DNAH5: variants seen among roughly 807,000 people sequenced by gnomAD.
DNAH5 encodes the protein axonemal beta dynein heavy chain 5.
A neutral mutation model predicts 518.2 loss-of-function variants in DNAH5; 372 were observed. That is an observed-to-expected ratio of 0.72 (90% CI 0.66 to 0.78). The LOEUF (loss-of-function observed/expected upper bound fraction) is 0.78. Ranked by LOEUF, DNAH5 falls within the 30% of genes least tolerant of loss-of-function variation. The pLI is 0.00. For missense variants in DNAH5, 5,523 were observed against 5,687.0 expected (o/e 0.97, Z 0.93); for synonymous variants, 2,039 against 2,025.9 (o/e 1.01, Z -0.17).
chr5:13,974,867 G>A (rs184002890), intron 1 of DNAH5, among the ~76,000 whole-genome samples: 90 of 152,220 alleles, frequency 5.9e-4, no homozygotes, highest in Non-Finnish European at 1.1e-3. Context: ...AAGGTGGCTC[G>A]GAAGCCATGG....
chr5:13,904,902 C>G (rs1281274571), intron 12 of DNAH5, among the ~76,000 whole-genome samples: 1 of 151,662 alleles, frequency 6.6e-6, no homozygotes, highest in Non-Finnish European at 1.5e-5. Flanking sequence ...CAGAGCAAGA[C>G]CCTGTTTCAA....
intron 47 of DNAH5, among the ~76,000 whole-genome samples, chr5:13,797,757 A>C (rs1369708573): frequency 6.6e-6 from 1 of 151,760 alleles, no homozygotes; most frequent in Non-Finnish European, 1.5e-5. Flanking sequence ...ATGCACACGT[A>C]TGTTTACTGC....
intron 2 of DNAH5, 46 bp downstream of exon 2, chr5:13,931,064 C>CTG: frequency 1.9e-6 from 3 of 1,613,824 alleles, no homozygotes; most frequent in Non-Finnish European, 2.5e-6. Context: ...AACAGACCAT[C>CTG]TGTGCCCTCC....
rs201338727 is a variant in DNAH5 at position 13,882,992 on chromosome 5, T to C, written c.3086A>G (p.Asp1029Gly). ...PNIVMAPALEDVQQTLNKAVE... is the reference protein window; with the variant it reads ...PNIVMAPALEGVQQTLNKAVE... ...GGCTTTGTTCAGGGTCTGCTGTACATCTTCCAGGGCAGGGGCCATGACGAT... is the reference window on the plus strand; with the variant it reads ...GGCTTTGTTCAGGGTCTGCTGTACACCTTCCAGGGCAGGGGCCATGACGAT... Residue 1029 changes from aspartate (D) to glycine (G), a missense_variant, in exon 20 of 79, where the codon GAT becomes GGT. Asp to Gly is a moderately conservative substitution (Grantham distance 94, BLOSUM62 -1). Around this residue, in one of 3 missense-constraint regions of DNAH5, gnomAD observed 5,121 missense variants for 5,223.3 expected, o/e 0.98. Coordinates refer to ENST00000265104, the MANE Select transcript of DNAH5 (RefSeq NM_001369.3). 1 of 1,614,154 alleles carries C rather than the reference T, an allele frequency of 6.2e-7. No individual in the cohort carries two copies. Among genetic ancestry groups the C allele is most frequent in the South Asian group, 1.1e-5 (1 of 91,080 alleles).
chr5:13,904,806 G>A (rs1245075282), intron 12 of DNAH5, among the ~76,000 whole-genome samples: 1 of 152,132 alleles, frequency 6.6e-6, no homozygotes, highest in Admixed American at 6.5e-5. Context: ...AACTACTCGG[G>A]AGGCTGAGGT....
chr5:13,744,018 G>T (rs1210168700), intron 65 of DNAH5, among the ~76,000 whole-genome samples: 1 of 151,966 alleles, frequency 6.6e-6, no homozygotes. Context: ...TGTATCGAAG[G>T]CATGTCTGCA....
At chr5:13,704,234 G>GC (rs1235286988) in intron 76 of DNAH5, among the ~76,000 whole-genome samples, 1 of 152,190 alleles carries the variant, frequency 6.6e-6, no homozygotes, top group African/African-American at 2.4e-5. Flanking sequence ...CAGCCAGCCA[G>GC]CCCCTTCTGC....
chr5:13,838,010 T>C (rs987365658), intron 35 of DNAH5, among the ~76,000 whole-genome samples: 1 of 152,164 alleles, frequency 6.6e-6, no homozygotes, highest in Non-Finnish European at 1.5e-5. Flanking sequence ...AGTCCATTTT[T>C]TTAATGAACA....
At chr5:13,762,625 C>A (rs1285635949) in intron 60 of DNAH5, 97 bp downstream of exon 60, 12 of 1,101,234 alleles carry the variant, frequency 1.1e-5, no homozygotes, top group African/African-American at 1.5e-5. Flanking sequence ...ATCCTAACAC[C>A]AGAAGCCACA....
chr5:13,777,226 C>T lies in DNAH5; in HGVS notation c.9081G>A (p.Met3027Ile), dbSNP rs765900912. The T allele has an allele frequency of 3.1e-6, 5 of 1,612,798 alleles. No homozygotes were observed. Among genetic ancestry groups the T allele is most frequent in the South Asian group, 2.2e-5 (2 of 91,030 alleles). Residue 3027 changes from methionine (M) to isoleucine (I), a missense_variant, in exon 54 of 79, where the codon ATG becomes ATA. Physicochemically the swap from Met to Ile is conservative, Grantham distance 10 (BLOSUM62 1). Transcript: ENST00000265104. The stretch of plus-strand genomic sequence containing the variant: ...CCTCACCTGATGATAAAACATTGTT[C>T]ATATATTCCAAAAATGACTCATCTT... ...EIKDESFLEYMNNVLSSGEVS... is the reference protein window; with the variant it reads ...EIKDESFLEYINNVLSSGEVS...
At position 13,919,329 on chromosome 5, in the gene DNAH5, CA is replaced by C; in HGVS notation, c.821del (p.Leu274ArgfsTer2). 6.2e-7 allele frequency: 1 copy of C among 1,614,102 alleles called. No homozygotes were observed. The highest frequency in any genetic ancestry group is 8.5e-7 in the Non-Finnish European group (1 of 1,179,982). Reference sequence around the variant, plus strand: ...GCCCAACGTCATCCGCTTCCTTCAGCAGCTGATTGTTTTCAGCAAGAACCTG... The same window carrying C: ...GCCCAACGTCATCCGCTTCCTTCAGCGCTGATTGTTTTCAGCAAGAACCTG... ...TEQVLAENNQ[L>X]LKEADDVGPR... On this transcript the variant is annotated frameshift_variant, in exon 7 of 79. Coordinates refer to ENST00000265104, the MANE Select transcript of DNAH5 (RefSeq NM_001369.3). LOFTEE classifies it high-confidence loss of function.
At chr5:13,812,649 GTTGT>G (rs1180363035) in intron 43 of DNAH5, among the ~76,000 whole-genome samples, 2 of 152,050 alleles carry the variant, frequency 1.3e-5, no homozygotes, top group African/African-American at 2.4e-5. Flanking sequence ...ACTACAATTA[GTTGT>G]TTCTTTTTAT....
intron 22 of DNAH5, among the ~76,000 whole-genome samples, chr5:13,874,938 T>A (rs1218936919): frequency 6.6e-6 from 1 of 152,170 alleles, no homozygotes; most frequent in Non-Finnish European, 1.5e-5. Flanking sequence ...GGGGCAGGGA[T>A]CATAGGACTT....
rs142931129 is a variant in DNAH5, at chr5:13,727,038, C to G, written c.12033+469G>C. Among the ~76,000 whole-genome samples the G allele has an allele frequency of 3.6e-3, 546 of 152,324 alleles. 6 individuals are homozygous for G. Among genetic ancestry groups the G allele is most frequent in the Middle Eastern group, 0.014 (4 of 294 alleles). On this transcript the variant is annotated intron_variant, in intron 70 of 78. Coordinates refer to ENST00000265104, the MANE Select transcript of DNAH5 (RefSeq NM_001369.3). ...AGTTGTAAGACAACCTTACTGACAT[C>G]TAGAGCTGTGACATTTTTCTGGGGA... is the stretch of plus-strand genomic sequence containing the variant.
chr5:13,996,165 G>T (rs938842937), intron 1 of DNAH5, among the ~76,000 whole-genome samples: 4 of 152,010 alleles, frequency 2.6e-5, no homozygotes, highest in Non-Finnish European at 5.9e-5. Flanking sequence ...CTGGCTTTCT[G>T]GCTCATGCAG....
In DNAH5 at chr5:13,753,325, C is replaced by A. The variant is rs1266622176; in HGVS notation, c.10780G>T (p.Val3594Phe). 1 of 1,613,928 alleles carries A rather than the reference C, an allele frequency of 6.2e-7. No homozygotes were observed. Among genetic ancestry groups the A allele is most frequent in the Admixed American group, 1.7e-5 (1 of 60,010 alleles). Reference sequence around the variant, plus strand: ...AAAGGGTAACGAGATGCCTTCGTGACAATAATTCCATTTTGAATGGACAAG... The same window carrying A: ...AAAGGGTAACGAGATGCCTTCGTGAAAATAATTCCATTTTGAATGGACAAG... ...DDLSIQNGII[V>F]TKASRYPLLI... is the part of the protein sequence containing the mutation. The change falls in exon 63 of 79, where the codon GTC (valine) becomes TTC (phenylalanine). Residue 3594 changes from valine to phenylalanine, a missense_variant. By Grantham distance (50) the Val-to-Phe change is conservative. Transcript: ENST00000265104.
intron 15 of DNAH5, among the ~76,000 whole-genome samples, chr5:13,897,325 C>T (rs1774035641): frequency 6.6e-6 from 1 of 152,116 alleles, no homozygotes; most frequent in Non-Finnish European, 1.5e-5. Context: ...GTTATTCTAT[C>T]TGGAAGCAGT....
Position 13,991,073 on chromosome 5 carries a change from G to C in DNAH5, c.12+20575C>G, listed in dbSNP as rs568411302. Among the ~76,000 whole-genome samples the C allele has an allele frequency of 4.6e-5, 7 of 152,208 alleles. No individual in the cohort carries two copies. The South Asian group carries it at 1.5e-3, about 32-fold the overall frequency. ...GTGTCGGGGGCTGGATTGACTTCTT[G>C]CCAGTTGCAAGTCTTGACTTTGTCT... On this transcript the variant is annotated intron_variant, in intron 1 of 78. Coordinates refer to the DNAH5 transcript ENST00000681290.
chr5:13,715,862 G>A (rs1475096457), intron 74 of DNAH5, among the ~76,000 whole-genome samples: 1 of 152,158 alleles, frequency 6.6e-6, no homozygotes, highest in Non-Finnish European at 1.5e-5. Context: ...TTACAATTGG[G>A]TATGGGGTTG....
Sources: gnomAD v4.1 joint callset for allele counts (sites outside exome capture counted in the v4.1 genomes callset) on GRCh38, gnomAD v4.1.1 for gene constraint, gnomAD v4.1.1 regional missense constraint, MANE v1.5 for transcripts, NCBI Gene and HGNC (gene_info 2026-07-23, HGNC 2026-07-21) for gene names.